DLGAP2: variants seen among roughly 807,000 people sequenced by gnomAD.
DLGAP2 encodes the protein DLG associated protein 2.
In DLGAP2, 26 loss-of-function variants were observed where a neutral mutation model predicts 100.3. That is an observed-to-expected ratio of 0.26 (90% confidence interval 0.19 to 0.36). DLGAP2 has a LOEUF of 0.36. Among genes scored for constraint, DLGAP2 ranks in the 10% least tolerant of loss-of-function variants. The pLI, the probability that DLGAP2 is intolerant of heterozygous loss-of-function variation, is 1.00. For missense variants in DLGAP2, 1,858 were observed against 1,453.2 expected, an observed-to-expected ratio of 1.28 and a Z score of -4.53; for synonymous variants, 886 against 630.1, an observed-to-expected ratio of 1.41 and a Z score of -6.08.
At chr8:1,464,792 C>T (rs534488649) in intron 3 of DLGAP2, among the ~76,000 whole-genome samples, 8 of 152,278 alleles carry the variant, frequency 5.3e-5, no homozygotes, top group South Asian at 4.1e-4. Context: ...AGCACCGGGA[C>T]GTAGAGAGGC....
chr8:766,301 C>G (rs1483006794), intron 1 of DLGAP2, among the ~76,000 whole-genome samples: 1 of 152,240 alleles, frequency 6.6e-6, no homozygotes, highest in African/African-American at 2.4e-5. Context: ...AAACCCTTTC[C>G]CAGTCAGCTC....
intron 7 of DLGAP2, among the ~76,000 whole-genome samples, chr8:1,629,762 G>A (rs997024361): frequency 2.6e-5 from 4 of 152,212 alleles, no homozygotes; most frequent in Non-Finnish European, 5.9e-5. Flanking sequence ...AGGTGTGAAC[G>A]TTCATCTCTA....
intron 3 of DLGAP2, among the ~76,000 whole-genome samples, chr8:1,413,657 A>G (rs1374009403): frequency 3.3e-5 from 5 of 152,236 alleles, no homozygotes; most frequent in Admixed American, 2.6e-4. Flanking sequence ...AATCTCAGTA[A>G]TCAATGATTG....
At chr8:1,276,827 T>C (rs1799707566) in intron 3 of DLGAP2, among the ~76,000 whole-genome samples, 1 of 152,192 alleles carries the variant, frequency 6.6e-6, no homozygotes, top group African/African-American at 2.4e-5. Flanking sequence ...GTATCTTGGA[T>C]GGGAAGACGT....
intron 2 of DLGAP2, among the ~76,000 whole-genome samples, chr8:931,383 C>T (rs2129003425): frequency 6.6e-6 from 1 of 152,376 alleles, no homozygotes; most frequent in East Asian, 1.9e-4. Flanking sequence ...CTCTGCCTCT[C>T]CCGCCTCCTG....
chr8:1,685,280 G>A (rs1305734907), intron 12 of DLGAP2, among the ~76,000 whole-genome samples: 1 of 152,218 alleles, frequency 6.6e-6, no homozygotes, highest in Non-Finnish European at 1.5e-5. Context: ...ACAGAGAACT[G>A]TGCCTGTGTC....
At chr8:1,173,612 T>C (rs1797180995) in intron 2 of DLGAP2, among the ~76,000 whole-genome samples, 1 of 152,172 alleles carries the variant, frequency 6.6e-6, no homozygotes, top group Admixed American at 6.5e-5. Context: ...CCAGCCTCCC[T>C]GCCGCCTAGT....
chr8:1,409,236 T>TC (rs1796660848), intron 3 of DLGAP2, among the ~76,000 whole-genome samples: 1 of 145,776 alleles, frequency 6.9e-6, no homozygotes, highest in Non-Finnish European at 1.5e-5. Flanking sequence ...GAAGCCCATC[T>TC]CCCCTTGGCA....
intron 3 of DLGAP2, among the ~76,000 whole-genome samples, chr8:1,377,142 C>A (rs764457925): frequency 2.6e-5 from 4 of 152,200 alleles, no homozygotes; most frequent in Non-Finnish European, 4.4e-5. Context: ...TCCTCGGGGC[C>A]CAGCCCCACA....
intron 3 of DLGAP2, among the ~76,000 whole-genome samples, chr8:1,373,252 G>C (rs968991833): frequency 6.6e-6 from 1 of 152,032 alleles, no homozygotes; most frequent in African/African-American, 2.4e-5. Flanking sequence ...CCCTCGGGGG[G>C]AGGCGCCGCC....
chr8:1,510,498 G>A (rs191934088), intron 4 of DLGAP2, among the ~76,000 whole-genome samples: 34 of 152,356 alleles, frequency 2.2e-4, no homozygotes, highest in Non-Finnish European at 4.3e-4. Flanking sequence ...TTTGTGGCAG[G>A]TCCAAGGGTT....
At chr8:1,454,594 A>G (rs1427016473) in intron 3 of DLGAP2, among the ~76,000 whole-genome samples, 1 of 152,152 alleles carries the variant, frequency 6.6e-6, no homozygotes, top group East Asian at 1.9e-4. Context: ...GCCAAGATTC[A>G]TCTCCATTAA....
At chr8:1,242,670 C>G (rs1188324464) in intron 2 of DLGAP2, among the ~76,000 whole-genome samples, 1 of 152,084 alleles carries the variant, frequency 6.6e-6, no homozygotes, top group African/African-American at 2.4e-5. Flanking sequence ...ATTAACATGC[C>G]CTCTCCTCCT....
chr8:786,953 G>T (rs1429832581), intron 1 of DLGAP2, among the ~76,000 whole-genome samples: 1 of 152,158 alleles, frequency 6.6e-6, no homozygotes. Context: ...GCTCTTTCAG[G>T]TGAAGGCAGA....
In DLGAP2 at chr8:1,640,299, C is replaced by T. The variant is rs189497275; in HGVS notation, c.1810+7253C>T. On this transcript the variant is annotated intron_variant, in intron 8 of 14. Transcript: ENST00000637795. ...CCTGGGAAGCCCAGGTGTGCTGCCC[C>T]GTGGGTCCTCAGTGTCAGACCTGCT... 1.9e-4 allele frequency among the ~76,000 whole-genome samples: 28 copies of T among 145,040 alleles called. No homozygotes were observed. In the East Asian group the frequency reaches 5.3e-3, roughly 27 times the overall value.
intron 2 of DLGAP2, among the ~76,000 whole-genome samples, chr8:1,227,476 A>G (rs976439252): frequency 1.3e-5 from 2 of 151,000 alleles, no homozygotes; most frequent in African/African-American, 4.9e-5. Flanking sequence ...GGCAGCCTAC[A>G]GTTGAGATTT....
intron 3 of DLGAP2, among the ~76,000 whole-genome samples, chr8:1,343,930 G>T (rs2117087400): frequency 6.6e-6 from 1 of 152,314 alleles, no homozygotes; most frequent in Non-Finnish European, 1.5e-5. Flanking sequence ...GGTATATCAG[G>T]GCTTTCCCTC....
intron 3 of DLGAP2, among the ~76,000 whole-genome samples, chr8:1,470,751 C>CCCGACTCCCCCAGCCTTT (rs1798759860): frequency 2.2e-5 from 2 of 93,012 alleles, no homozygotes; most frequent in South Asian, 7.2e-4. Context: ...CCGACTCCTT[C>CCCGACTCCCCCAGCCTTT]CCCGACTCCT....
intron 3 of DLGAP2, chr8:1,379,740 T>G (rs1796047906): frequency 6.6e-6 from 1 of 152,348 alleles, no homozygotes; most frequent in Admixed American, 6.5e-5. Flanking sequence ...ATGGCAACCG[T>G]GCCTGGGAGA....
Sources: allele counts gnomAD v4.1 joint callset (sites outside exome capture counted in the v4.1 genomes callset), GRCh38; gene constraint gnomAD v4.1.1; transcripts MANE v1.5; gene names NCBI Gene and HGNC (gene_info 2026-07-23, HGNC 2026-07-21).